CERS3: variants seen among roughly 807,000 people sequenced by gnomAD.
The protein encoded by CERS3 is LAG1 homolog, ceramide synthase 3.
A neutral mutation model predicts 50.3 loss-of-function variants in CERS3; 33 were observed. That is an observed-to-expected ratio of 0.66 (90% CI 0.50 to 0.88). The LOEUF (loss-of-function observed/expected upper bound fraction) is 0.88, where lower values mean the gene tolerates loss of function less well. Ranked by LOEUF, CERS3 falls within the 40% of genes least tolerant of loss-of-function variation. The pLI is 0.00. For missense variants in CERS3, 470 were observed against 460.3 expected, an observed-to-expected ratio of 1.02 and a Z score of -0.19; for synonymous variants, 176 against 155.2, an observed-to-expected ratio of 1.13 and a Z score of -0.99.
At chr15:100,514,389 A>G (rs146215517) in intron 2 of CERS3, among the ~76,000 whole-genome samples, 1 of 152,366 alleles carries the variant, frequency 6.6e-6, no homozygotes, top group African/African-American at 2.4e-5. Context: ...TAAAACTACT[A>G]CATGCATCTG....
rs575902262 is a variant in CERS3 at position 100,430,728 on chromosome 15, G to A, written c.999+25165C>T. On this transcript the variant is annotated intron_variant, in intron 11 of 11. Transcript: ENST00000679737. Reference sequence around the variant, plus strand: ...TCACTGTATGAAAAAAATACATTCAGTCAGTTCAATTTTCTGAACTACTAG... The same window carrying A: ...TCACTGTATGAAAAAAATACATTCAATCAGTTCAATTTTCTGAACTACTAG... Among the ~76,000 whole-genome samples, 110 of 138,582 alleles carry A rather than the reference G, an allele frequency of 7.9e-4. No individual in the cohort carries two copies. The Middle Eastern group carries it at 0.015, about 19-fold the overall frequency. 90.9% of individuals were successfully genotyped at this position (138,582 alleles called of 152,430 possible). A position where few individuals can be genotyped will look rare whatever the true frequency, so the allele number is the denominator to read the frequency against.
chr15:100,491,758 A>G (rs558851687), intron 3 of CERS3, among the ~76,000 whole-genome samples: 1 of 151,904 alleles, frequency 6.6e-6, no homozygotes, highest in Admixed American at 6.6e-5. Flanking sequence ...TTAGTATGGC[A>G]TTTTCTTTTT....
intron 11 of CERS3, among the ~76,000 whole-genome samples, chr15:100,425,579 C>T (rs1445597564): frequency 1.3e-5 from 2 of 152,282 alleles, no homozygotes; most frequent in East Asian, 1.9e-4. Context: ...TACCTATACC[C>T]CCATTGTGTC....
intron 11 of CERS3, among the ~76,000 whole-genome samples, chr15:100,451,123 G>T (rs928292693): frequency 6.6e-6 from 1 of 151,732 alleles, no homozygotes; most frequent in Admixed American, 6.6e-5. Flanking sequence ...AAAACATACT[G>T]GTAGAACAAA....
chr15:100,494,963 T>C (rs1462870305), intron 3 of CERS3, among the ~76,000 whole-genome samples: 5 of 152,248 alleles, frequency 3.3e-5, no homozygotes, highest in African/African-American at 1.2e-4. Flanking sequence ...GTCATTTTAT[T>C]GTTTGCCCTA....
intron 2 of CERS3, among the ~76,000 whole-genome samples, chr15:100,516,459 G>T (rs1187021548): frequency 6.6e-6 from 1 of 152,316 alleles, no homozygotes; most frequent in Non-Finnish European, 1.5e-5. Flanking sequence ...ACAAAGACCT[G>T]TCGTGGGACT....
At chr15:100,484,158 T>C (rs1403473772) in intron 5 of CERS3, among the ~76,000 whole-genome samples, 1 of 152,048 alleles carries the variant, frequency 6.6e-6, no homozygotes, top group African/African-American at 2.4e-5. Flanking sequence ...TTGTGATGGT[T>C]GGATACAGGT....
chr15:100,449,644 C>A (rs2034079296), intron 11 of CERS3, among the ~76,000 whole-genome samples: 1 of 151,962 alleles, frequency 6.6e-6, no homozygotes, highest in Non-Finnish European at 1.5e-5. Context: ...TGTTTATAGC[C>A]AAAAAAAATC....
At chr15:100,450,416 C>CAAAAA (rs34873483) in intron 11 of CERS3, among the ~76,000 whole-genome samples, 29 of 63,448 alleles carry the variant, frequency 4.6e-4, no homozygotes, top group East Asian at 1.9e-3. Flanking sequence ...GACTCTGTCT[C>CAAAAA]AAAAAAAAAA....
At chr15:100,450,142 C>G (rs929355422) in intron 11 of CERS3, among the ~76,000 whole-genome samples, 1 of 151,880 alleles carries the variant, frequency 6.6e-6, no homozygotes, top group Non-Finnish European at 1.5e-5. Flanking sequence ...CTAGATTGGC[C>G]AGGTGTGGTG....
At chr15:100,443,236 C>T (rs1233297012) in intron 11 of CERS3, among the ~76,000 whole-genome samples, 2 of 151,098 alleles carry the variant, frequency 1.3e-5, no homozygotes, top group Non-Finnish European at 2.9e-5. Flanking sequence ...CACCCCTTAC[C>T]ATCTCATTGA....
intron 1 of CERS3, among the ~76,000 whole-genome samples, chr15:100,526,162 T>C (rs1480680062): frequency 1.3e-5 from 2 of 152,244 alleles, no homozygotes. Flanking sequence ...CTTGATGAAC[T>C]TGACTGCAGG....
At chr15:100,529,155 GCA>G (rs1403784529), upstream of CERS3, 1 of 152,188 alleles carries the variant, frequency 6.6e-6, no homozygotes, top group African/African-American at 2.4e-5. Flanking sequence ...GCCTTTTGGT[GCA>G]CACAGTCATC....
At chr15:100,506,748 C>T (rs2654619) in intron 2 of CERS3, among the ~76,000 whole-genome samples, 144,645 of 152,236 alleles carry the variant, frequency 0.95, 68,873 homozygotes, top group Middle Eastern at 0.99. Context: ...AGGTTAGTAG[C>T]TCCTCAGTGA....
chr15:100,484,631 G>T lies in CERS3; in HGVS notation c.326C>A (p.Thr109Lys). 6.2e-7 allele frequency: 1 copy of T among 1,613,974 alleles called. No individual in the cohort carries two copies. Among genetic ancestry groups the T allele is most frequent in the Non-Finnish European group, 8.5e-7 (1 of 1,179,910 alleles). The change falls in exon 5 of 12, where the codon ACG (threonine) becomes AAG (lysine). Residue 109 changes from threonine (T) to lysine (K), a missense_variant. By Grantham distance (78) the Thr-to-Lys change is moderately conservative. Coordinates refer to ENST00000679737, the MANE Select transcript of CERS3 (RefSeq NM_001378789.1). Reference protein sequence around the residue: ...IYGLAKKCNLTERQVERWFRS... With the variant: ...IYGLAKKCNLKERQVERWFRS... Reference sequence around the variant, plus strand: ...AAACCATCTTTCCACCTGGCGCTCCGTCAAGTTACACTTCTTTGCCAGTCC... The same window carrying T: ...AAACCATCTTTCCACCTGGCGCTCCTTCAAGTTACACTTCTTTGCCAGTCC...
At chr15:100,543,946 A>G (rs1008385178) in intron 1 of CERS3, among the ~76,000 whole-genome samples, 48 of 152,214 alleles carry the variant, frequency 3.2e-4, no homozygotes, top group Admixed American at 1.6e-3. Flanking sequence ...TTTAGTCATG[A>G]TACAGGGCTA....
chr15:100,487,787 A>C (rs1203305331), intron 4 of CERS3, among the ~76,000 whole-genome samples: 1 of 152,168 alleles, frequency 6.6e-6, no homozygotes, highest in Non-Finnish European at 1.5e-5. Context: ...TTGCTCTAAA[A>C]ATGTTTGAAT....
intron 1 of CERS3, among the ~76,000 whole-genome samples, chr15:100,535,159 C>T (rs72761206): frequency 0.025 from 3,794 of 152,270 alleles, 86 homozygotes; most frequent in Non-Finnish European, 0.035. Context: ...TAACTGAGAC[C>T]TATCTCAGAT....
intron 11 of CERS3, among the ~76,000 whole-genome samples, chr15:100,404,881 C>A (rs936499652): frequency 6.6e-6 from 1 of 152,152 alleles, no homozygotes; most frequent in African/African-American, 2.4e-5. Flanking sequence ...AAAGAACAGT[C>A]TTTTCAACAA....
Sources: gnomAD v4.1 joint callset for allele counts (sites outside exome capture counted in the v4.1 genomes callset) on GRCh38, gnomAD v4.1.1 for gene constraint, MANE v1.5 for transcripts, NCBI Gene and HGNC (gene_info 2026-07-23, HGNC 2026-07-21) for gene names.